Variants in JPH1 observed in about 807,000 individuals in gnomAD.
JPH1 encodes the protein junctophilin 1.
In JPH1, 12 loss-of-function variants were observed where a neutral mutation model predicts 53.6. That is an observed-to-expected ratio of 0.22 (90% CI 0.14 to 0.36). JPH1 has a LOEUF of 0.36. Ranked by LOEUF, JPH1 falls within the 10% of genes least tolerant of loss-of-function variation. The pLI is 1.00. For missense variants in JPH1, 808 were observed against 905.5 expected (o/e 0.89, Z 1.38); for synonymous variants, 375 against 363.8 (o/e 1.03, Z -0.35).
At chr8:74,299,188 C>T (rs1280527106) in intron 2 of JPH1, among the ~76,000 whole-genome samples, 6 of 151,296 alleles carry the variant, frequency 4.0e-5, no homozygotes, top group African/African-American at 9.7e-5. Flanking sequence ...AACTTCTTTA[C>T]GAAGTCATTC....
chr8:74,254,722 A>C (rs896970950), intron 3 of JPH1, among the ~76,000 whole-genome samples: 3 of 152,158 alleles, frequency 2.0e-5, no homozygotes, highest in African/African-American at 4.8e-5. Context: ...CAATGTACAA[A>C]AATCACAAGC....
At chr8:74,238,133 T>C (rs1057220722) in intron 4 of JPH1, among the ~76,000 whole-genome samples, 3 of 152,220 alleles carry the variant, frequency 2.0e-5, no homozygotes, top group African/African-American at 4.8e-5. Context: ...GTCTAATTCT[T>C]ATATAGCATT....
intron 2 of JPH1, among the ~76,000 whole-genome samples, chr8:74,262,078 C>A (rs186570173): frequency 3.3e-5 from 5 of 152,262 alleles, no homozygotes; most frequent in South Asian, 2.1e-4. Context: ...CAAAGGAGGA[C>A]CTTTCTATCC....
In JPH1 at chr8:74,254,963, T is replaced by A. The variant is rs193074061; in HGVS notation, c.1258+4422A>T. Among the ~76,000 whole-genome samples the A allele has an allele frequency of 4.6e-4, 70 of 152,286 alleles. 2 individuals are homozygous for A. Among genetic ancestry groups the A allele is most frequent in the African/African-American group, 1.5e-3 (61 of 41,516 alleles). On this transcript the variant is annotated intron_variant, in intron 3 of 5. Transcript: ENST00000342232. Reference sequence around the variant, plus strand: ...AGAATCAATATCGTGAAAATGGGCATACTGCCCAAGGTAATTTATAGATTC... The same window carrying A: ...AGAATCAATATCGTGAAAATGGGCAAACTGCCCAAGGTAATTTATAGATTC...
chr8:74,254,530 G>C (rs2131387677), intron 3 of JPH1, among the ~76,000 whole-genome samples: 1 of 152,036 alleles, frequency 6.6e-6, no homozygotes, highest in East Asian at 1.9e-4. Flanking sequence ...CATAGTGTTG[G>C]AAGTTCTGGC....
chr8:74,238,032 A>T (rs1246599675), intron 4 of JPH1, among the ~76,000 whole-genome samples: 2 of 152,240 alleles, frequency 1.3e-5, no homozygotes, highest in Non-Finnish European at 2.9e-5. Context: ...TAAACAAACC[A>T]ACCTCATATA....
intron 2 of JPH1, among the ~76,000 whole-genome samples, chr8:74,287,665 GTTTC>G (rs1478815829): frequency 6.7e-6 from 1 of 149,280 alleles, no homozygotes; most frequent in Non-Finnish European, 1.5e-5. Context: ...AATTAGTCTA[GTTTC>G]TTTTTTTTTT....
At chr8:74,269,426 ACT>A (rs1563404487) in intron 2 of JPH1, among the ~76,000 whole-genome samples, 1 of 152,134 alleles carries the variant, frequency 6.6e-6, no homozygotes. Flanking sequence ...CTGCTCTGTC[ACT>A]CTGTTTATTT....
intron 2 of JPH1, among the ~76,000 whole-genome samples, chr8:74,264,248 T>C (rs1028555909): frequency 1.3e-5 from 2 of 152,226 alleles, no homozygotes; most frequent in Non-Finnish European, 2.9e-5. Flanking sequence ...TTTGGGAAGA[T>C]GACTTATGTG....
intron 4 of JPH1, among the ~76,000 whole-genome samples, chr8:74,243,273 T>A (rs187855346): frequency 3.3e-5 from 5 of 152,352 alleles, no homozygotes; most frequent in African/African-American, 1.2e-4. Flanking sequence ...AGGTTTAAAA[T>A]CTTTAAAATG....
At chr8:74,268,162 G>C (rs959988410) in intron 2 of JPH1, among the ~76,000 whole-genome samples, 1 of 152,100 alleles carries the variant, frequency 6.6e-6, no homozygotes, top group African/African-American at 2.4e-5. Flanking sequence ...CTAACATAGA[G>C]AGGTACTTAA....
intron 1 of JPH1, among the ~76,000 whole-genome samples, chr8:74,317,352 C>T (rs1332030321): frequency 6.6e-6 from 1 of 152,204 alleles, no homozygotes; most frequent in African/African-American, 2.4e-5. Flanking sequence ...CTTAACTTGA[C>T]ATCTATGAAC....
intron 2 of JPH1, among the ~76,000 whole-genome samples, chr8:74,290,290 T>A (rs1178237229): frequency 6.6e-6 from 1 of 152,140 alleles, no homozygotes; most frequent in Non-Finnish European, 1.5e-5. Context: ...CAGCAAAGTC[T>A]CAGGATAAAA....
intron 4 of JPH1, among the ~76,000 whole-genome samples, chr8:74,243,064 G>A (rs942234674): frequency 3.3e-5 from 5 of 152,136 alleles, no homozygotes; most frequent in African/African-American, 1.2e-4. Context: ...CCACAAATGG[G>A]TACCCAAAGG....
At chr8:74,244,071 G>A (rs1056863718) in intron 4 of JPH1, among the ~76,000 whole-genome samples, 1 of 152,214 alleles carries the variant, frequency 6.6e-6, no homozygotes, top group Non-Finnish European at 1.5e-5. Context: ...TAGAGGAGAC[G>A]TTCTTTTGTG....
chr8:74,264,796 C>A (rs1054240684), intron 2 of JPH1, among the ~76,000 whole-genome samples: 1 of 152,140 alleles, frequency 6.6e-6, no homozygotes, highest in Non-Finnish European at 1.5e-5. Flanking sequence ...TGTTCACATG[C>A]CTTTTGTAAA....
At chr8:74,250,809 G>A (rs1325531842) in intron 3 of JPH1, among the ~76,000 whole-genome samples, 1 of 152,070 alleles carries the variant, frequency 6.6e-6, no homozygotes, top group Non-Finnish European at 1.5e-5. Context: ...CATCCCTTGG[G>A]GCAGACTCAC....
chr8:74,291,066 C>T (rs59164920), intron 2 of JPH1, among the ~76,000 whole-genome samples: 39,423 of 151,864 alleles, frequency 0.26, 5,226 homozygotes, highest in Middle Eastern at 0.3. Flanking sequence ...AGGACATAGG[C>T]ATGGGCAAGG....
At chr8:74,307,389 T>C (rs1392567165) in intron 2 of JPH1, among the ~76,000 whole-genome samples, 2 of 152,254 alleles carry the variant, frequency 1.3e-5, no homozygotes, top group Non-Finnish European at 2.9e-5. Context: ...CTGTTCACCA[T>C]AACTTTTCTG....
Sources: gnomAD v4.1 joint callset for allele counts (sites outside exome capture counted in the v4.1 genomes callset) on GRCh38, gnomAD v4.1.1 for gene constraint, MANE v1.5 for transcripts, NCBI Gene and HGNC (gene_info 2026-07-23, HGNC 2026-07-21) for gene names.